The following CAMK2D variants were observed in gnomAD, a reference collection of about 807,000 sequenced individuals.
The protein encoded by CAMK2D is calcium/calmodulin dependent protein kinase II delta.
CAMK2D carries 37 observed loss-of-function variants against 84.0 expected under a neutral mutation model. That is an observed-to-expected ratio of 0.44 (90% CI 0.34 to 0.58). The LOEUF (loss-of-function observed/expected upper bound fraction) is 0.58. CAMK2D is among the 20% of genes least tolerant of loss of function. The pLI is 0.02. For missense variants in CAMK2D, 448 were observed against 652.5 expected (o/e 0.69, Z 3.41); for synonymous variants, 202 against 212.5 (o/e 0.95, Z 0.43).
At chr4:113,634,840 C>A (rs2099103726) in intron 3 of CAMK2D, among the ~76,000 whole-genome samples, 1 of 152,188 alleles carries the variant, frequency 6.6e-6, no homozygotes, top group African/African-American at 2.4e-5. Context: ...CCCCCAAGAT[C>A]TGTCTAGAAT....
intron 4 of CAMK2D, among the ~76,000 whole-genome samples, chr4:113,561,335 A>T (rs1414870901): frequency 2.6e-5 from 4 of 152,070 alleles, no homozygotes; most frequent in African/African-American, 9.7e-5. Flanking sequence ...TTAGCTGGAC[A>T]TGCCTGGGCA....
chr4:113,691,193 C>T (rs2099386048), intron 2 of CAMK2D, among the ~76,000 whole-genome samples: 1 of 152,104 alleles, frequency 6.6e-6, no homozygotes, highest in South Asian at 2.1e-4. Context: ...CATACGTCAC[C>T]CATTACAACA....
At chr4:113,567,228 T>C (rs1365868691) in intron 4 of CAMK2D, among the ~76,000 whole-genome samples, 1 of 148,910 alleles carries the variant, frequency 6.7e-6, no homozygotes, top group Admixed American at 6.8e-5. Flanking sequence ...AGCACAGTGG[T>C]GCAATCTTGG....
intron 16 of CAMK2D, among the ~76,000 whole-genome samples, chr4:113,491,405 T>C (rs1268499250): frequency 1.8e-4 from 26 of 146,450 alleles, no homozygotes; most frequent in African/African-American, 6.1e-4. Context: ...GATAATCATG[T>C]GGTTTTTGTC....
chr4:113,612,208 T>A (rs964345938), intron 3 of CAMK2D, among the ~76,000 whole-genome samples: 1 of 152,186 alleles, frequency 6.6e-6, no homozygotes, highest in African/African-American at 2.4e-5. Context: ...ATTCTCAGAG[T>A]TGATGGTATG....
At chr4:113,693,962 A>T (rs1257750749) in intron 2 of CAMK2D, among the ~76,000 whole-genome samples, 1 of 152,138 alleles carries the variant, frequency 6.6e-6, no homozygotes, top group African/African-American at 2.4e-5. Flanking sequence ...ATATCTACTC[A>T]CTTATTCATG....
At chr4:113,706,476 G>C (rs760930887) in intron 2 of CAMK2D, among the ~76,000 whole-genome samples, 2 of 152,080 alleles carry the variant, frequency 1.3e-5, no homozygotes, top group Non-Finnish European at 2.9e-5. Context: ...AATGAGAAAA[G>C]TTAAAACTGA....
intron 4 of CAMK2D, among the ~76,000 whole-genome samples, chr4:113,562,497 CA>C (rs1160933268): frequency 6.6e-6 from 1 of 152,170 alleles, no homozygotes; most frequent in Non-Finnish European, 1.5e-5. Context: ...GGATTTGAGA[CA>C]GCTTATCATC....
chr4:113,660,848 T>G (rs1390619851), intron 3 of CAMK2D, among the ~76,000 whole-genome samples: 2 of 148,198 alleles, frequency 1.3e-5, no homozygotes, highest in Non-Finnish European at 3.0e-5. Context: ...CAGGCTGGAG[T>G]GCAGTGGCGC....
At chr4:113,531,661 C>A (rs1462108931) in intron 7 of CAMK2D, among the ~76,000 whole-genome samples, 1 of 152,010 alleles carries the variant, frequency 6.6e-6, no homozygotes, top group African/African-American at 2.4e-5. Context: ...GAAGAACTCA[C>A]CAGGAGAAGA....
At chr4:113,623,738 C>CTG (rs3064581) in intron 3 of CAMK2D, among the ~76,000 whole-genome samples, 18,331 of 148,972 alleles carry the variant, frequency 0.12, 1,460 homozygotes, top group African/African-American at 0.21. Flanking sequence ...TATGCAGTGA[C>CTG]TGTGTGTGTG....
intron 3 of CAMK2D, among the ~76,000 whole-genome samples, chr4:113,641,258 A>G (rs529410298): frequency 6.6e-6 from 1 of 152,320 alleles, no homozygotes; most frequent in African/African-American, 2.4e-5. Context: ...TTTGGAATCA[A>G]ACAAATGTAT....
intron 3 of CAMK2D, among the ~76,000 whole-genome samples, chr4:113,610,558 A>G (rs2098995761): frequency 6.6e-6 from 1 of 152,110 alleles, no homozygotes; most frequent in Admixed American, 6.6e-5. Context: ...TCCCCTTTGG[A>G]TCTCATTCCT....
At chr4:113,738,900 A>C (rs2099587002) in intron 2 of CAMK2D, among the ~76,000 whole-genome samples, 1 of 152,154 alleles carries the variant, frequency 6.6e-6, no homozygotes, top group Non-Finnish European at 1.5e-5. Flanking sequence ...ATATACATCA[A>C]ATTTTAAATA....
chr4:113,457,258 C>CTAT, intron 19 of CAMK2D, 77 bp downstream of exon 19: 1 of 1,562,770 alleles, frequency 6.4e-7, no homozygotes, highest in Non-Finnish European at 8.7e-7. Context: ...ATATACCATG[C>CTAT]TATTAACAAT....
In CAMK2D at chr4:113,595,025, T is replaced by A. The variant is rs868406356; in HGVS notation, c.275+14127A>T. On this transcript the variant is annotated intron_variant, in intron 4 of 20. Transcript: ENST00000511664. ...AAAAACAATCCCTAGGCATACCACA[T>A]TCAAACATCAGAAAAACAAAGAAAA... is the stretch of plus-strand genomic sequence containing the variant. Among the ~76,000 whole-genome samples, 5 of 151,922 alleles carry A rather than the reference T, an allele frequency of 3.3e-5. No homozygotes were observed. In the East Asian group the frequency reaches 9.6e-4, roughly 29 times the overall value.
chr4:113,500,471 T>C lies in CAMK2D; in HGVS notation c.1127A>G (p.Asp376Gly). 6.3e-7 allele frequency: 1 copy of C among 1,594,014 alleles called. No individual in the cohort carries two copies. Among genetic ancestry groups the C allele is most frequent in the Non-Finnish European group, 8.6e-7 (1 of 1,164,370 alleles). The change falls in exon 16 of 21, where the codon GAT becomes GGT. Residue 376 changes from aspartate (D) to glycine (G), a missense_variant. Asp to Gly is a moderately conservative substitution (Grantham distance 94). This residue lies in a region of CAMK2D where 219 missense variants were observed against 272.1 expected (regional missense o/e 0.80). Coordinates refer to ENST00000511664, the MANE Select transcript of CAMK2D (RefSeq NM_001321571.2). ...ESSNTTIEDE[D>G]VKARKQEIIK... is the part of the protein sequence containing the mutation. Reference sequence around the variant, plus strand: ...TTCTGGTTAAATCATACCTTTCACATCTTCATCCTCAATTGTTGTATTTGA... The same window carrying C: ...TTCTGGTTAAATCATACCTTTCACACCTTCATCCTCAATTGTTGTATTTGA...
chr4:113,640,909 T>C (rs918551791), intron 3 of CAMK2D, among the ~76,000 whole-genome samples: 1 of 152,228 alleles, frequency 6.6e-6, no homozygotes, highest in Non-Finnish European at 1.5e-5. Flanking sequence ...GGAGACAACA[T>C]TGTTCCTTCC....
intron 3 of CAMK2D, among the ~76,000 whole-genome samples, chr4:113,622,271 AT>A (rs1426312590): frequency 6.6e-6 from 1 of 152,136 alleles, no homozygotes; most frequent in East Asian, 1.9e-4. Flanking sequence ...AACGTGACCC[AT>A]TTATCATGTA....
Sources: allele counts gnomAD v4.1 joint callset (sites outside exome capture counted in the v4.1 genomes callset), GRCh38; gene constraint gnomAD v4.1.1; regional missense constraint gnomAD v4.1.1; transcripts MANE v1.5; gene names NCBI Gene and HGNC (gene_info 2026-07-23, HGNC 2026-07-21).